The following CSF2RA variants were observed in gnomAD, a reference collection of about 807,000 sequenced individuals.
The protein encoded by CSF2RA is colony stimulating factor 2 receptor subunit alpha.
In CSF2RA, 42 loss-of-function variants were observed where a neutral mutation model predicts 51.6. That is an observed-to-expected ratio of 0.81 (90% confidence interval 0.64 to 1.05). The LOEUF (loss-of-function observed/expected upper bound fraction) is 1.05, where lower values mean the gene tolerates loss of function less well. CSF2RA is among the 50% of genes least tolerant of loss of function. The pLI, the probability that CSF2RA is intolerant of heterozygous loss-of-function variation, is 0.00. For missense variants in CSF2RA, 530 were observed against 501.1 expected, an observed-to-expected ratio of 1.06 and a Z score of -0.55; for synonymous variants, 222 against 193.0, an observed-to-expected ratio of 1.15 and a Z score of -1.24.
the CSF2RA span, among the ~76,000 whole-genome samples, chrX:1,317,567 TA>T: frequency 8.8e-5 from 10 of 113,928 alleles, no homozygotes; most frequent in African/African-American, 4.6e-4. Context: ...ATTTTTATTT[TA>T]TTTTATTTTT....
intron 12 of CSF2RA, chrX:1,305,910 A>T: frequency 1.1e-6 from 1 of 883,474 alleles, no homozygotes; most frequent in Non-Finnish European, 1.7e-6. Context: ...GTGAAACCCC[A>T]TCTCTGCTAA....
At chrX:1,293,879 C>A (rs370703451) in intron 7 of CSF2RA, 1 of 362,852 alleles carries the variant, frequency 2.8e-6, no homozygotes, top group Non-Finnish European at 5.3e-6. Flanking sequence ...CCCTGCCCCA[C>A]CTCCACCTGG....
At position 1,300,648 on chromosome X, in the gene CSF2RA, G is replaced by A. The variant is rs776849585; in HGVS notation, c.946+22G>A. The A allele has an allele frequency of 1.9e-6, 3 of 1,613,906 alleles. No individual in the cohort carries two copies. In the South Asian group the frequency reaches 3.3e-5, roughly 18 times the overall value. Reference sequence around the variant, plus strand: ...TTTGGTAAGCGTTGGGCGGAGGTAAGGGATGTTTGTGCCGTCTGCGGCCAC... The same window carrying A: ...TTTGGTAAGCGTTGGGCGGAGGTAAAGGATGTTTGTGCCGTCTGCGGCCAC... On this transcript the variant is annotated intron_variant, in intron 10 of 12. Transcript: ENST00000381529.
At chrX:1,311,782 T>G (rs1175367653), downstream of CSF2RA, among the ~76,000 whole-genome samples, 1 of 151,950 alleles carries the variant, frequency 6.6e-6, no homozygotes, top group African/African-American at 2.4e-5. Context: ...GCCTGGGGAA[T>G]CCCTTTGTAG....
rs1175038473 is a variant in CSF2RA at position 1,285,921 on chromosome X, G to A, written c.219+1G>A. The A allele has an allele frequency of 6.2e-7, 1 of 1,613,774 alleles. No homozygotes were observed. On this transcript the variant is annotated splice_donor_variant, in intron 4 of 12. Coordinates refer to ENST00000381529, the MANE Select transcript of CSF2RA (RefSeq NM_172245.4). LOFTEE classifies it high-confidence loss of function. The stretch of plus-strand genomic sequence containing the variant: ...GAAGAACAGAGTCGTGGAACCCAGG[G>A]TGAGACGAATTTCCCATTCTCAACC...
At chrX:1,269,828 C>T (rs1479390269) in intron 1 of CSF2RA, among the ~76,000 whole-genome samples, 1 of 151,846 alleles carries the variant, frequency 6.6e-6, no homozygotes, top group Non-Finnish European at 1.5e-5. Flanking sequence ...TAAAGGGGGG[C>T]CGGGCACGGT....
At chrX:1,323,740 C>T in the CSF2RA span, among the ~76,000 whole-genome samples, 45 of 151,010 alleles carry the variant, frequency 3.0e-4, no homozygotes, top group African/African-American at 7.1e-4. Flanking sequence ...GCAGGCTGGG[C>T]GCAGTGGCTC....
At chrX:1,320,800 T>A in the CSF2RA span, among the ~76,000 whole-genome samples, 1 of 149,330 alleles carries the variant, frequency 6.7e-6, no homozygotes, top group Admixed American at 6.7e-5. Context: ...CATGAGCCAC[T>A]GCACCCAGCC....
chrX:1,318,556 G>T, the CSF2RA span, among the ~76,000 whole-genome samples: 2 of 151,868 alleles, frequency 1.3e-5, no homozygotes. Context: ...CCCCTGAGCC[G>T]CCGATAGCCC....
the CSF2RA span, among the ~76,000 whole-genome samples, chrX:1,324,321 C>T: frequency 2.9e-5 from 4 of 140,188 alleles, no homozygotes; most frequent in Non-Finnish European, 6.0e-5. Context: ...TAGCAAGATC[C>T]TGTCTCTAAG....
At chrX:1,322,439 GTTTTTTTT>G in the CSF2RA span, among the ~76,000 whole-genome samples, 17 of 120,694 alleles carry the variant, frequency 1.4e-4, no homozygotes, top group Admixed American at 4.6e-4. Context: ...GTGTGTGTTT[GTTTTTTTT>G]TTTTTTTTTT....
intron 3 of CSF2RA, among the ~76,000 whole-genome samples, chrX:1,285,071 AAT>A (rs1491269831): frequency 4.6e-5 from 7 of 151,650 alleles, no homozygotes; most frequent in Non-Finnish European, 8.8e-5. Context: ...TTTAAAAAAA[AAT>A]TTTTTTTAAA....
rs1457801848 is a variant in CSF2RA, at chrX:1,281,826, T to C, written c.-26-852T>C. 2.7e-5 allele frequency: 4 copies of C among 148,672 alleles called. No homozygotes were observed. In the South Asian group the frequency reaches 8.3e-4, roughly 31 times the overall value. The allele number at this position is 148,672 out of a possible 1,614,324, so 9.2% of individuals were successfully genotyped here. A position where few individuals can be genotyped will look rare whatever the true frequency, so the allele number is the denominator to read the frequency against. On this transcript the variant is annotated intron_variant, in intron 2 of 12. Coordinates refer to ENST00000381529, the MANE Select transcript of CSF2RA (RefSeq NM_172245.4). ...TGTCGTTTTATGTACTCACCCTTTT[T>C]TTCTTCCTCTTCTTTTTTTTTTTTT...
intron 2 of CSF2RA, among the ~76,000 whole-genome samples, chrX:1,279,533 A>G (rs1461883807): frequency 3.3e-5 from 5 of 151,718 alleles, no homozygotes; most frequent in African/African-American, 9.7e-5. Flanking sequence ...CAGAACATGC[A>G]TCTCTAGGGT....
Position 1,294,132 on chromosome X carries a change from C to G in CSF2RA, c.647-196C>G. 9.6e-6 allele frequency: 7 copies of G among 725,564 alleles called. No individual in the cohort carries two copies. The South Asian group carries it at 1.1e-4, about 11-fold the overall frequency. The allele number at this position is 725,564 out of a possible 1,614,324, so 44.9% of individuals were successfully genotyped here. A position where few individuals can be genotyped will look rare whatever the true frequency, so the allele number is the denominator to read the frequency against. On this transcript the variant is annotated intron_variant, in intron 7 of 12. Transcript: ENST00000381529. ...CAGTGTAGACAGGAGGAGACCCTGCCCCATCTCCACCTGGACCCAGTGTAG... is the reference window on the plus strand; with the variant it reads ...CAGTGTAGACAGGAGGAGACCCTGCGCCATCTCCACCTGGACCCAGTGTAG...
the CSF2RA span, among the ~76,000 whole-genome samples, chrX:1,317,789 G>C: frequency 7.3e-5 from 11 of 151,652 alleles, no homozygotes; most frequent in African/African-American, 2.7e-4. Flanking sequence ...TTCTCTCCTG[G>C]AGTGGGAAAA....
In CSF2RA at chrX:1,298,890, A is replaced by T. The variant is rs188617190; in HGVS notation, c.811-1601A>T. 3.1e-3 allele frequency among the ~76,000 whole-genome samples: 471 copies of T among 152,158 alleles called. 1 individual carries two copies. Among genetic ancestry groups the T allele is most frequent in the Non-Finnish European group, 5.3e-3 (359 of 67,998 alleles). On this transcript the variant is annotated intron_variant, in intron 9 of 12. Transcript: ENST00000381529. ...GAGAGCCTGCCCCACGTCTACCTGG[A>T]TCCAGTGTAGACAGGAGAATACTCT... is the stretch of plus-strand genomic sequence containing the variant.
the CSF2RA span, among the ~76,000 whole-genome samples, chrX:1,316,269 GATA>G: frequency 7.3e-6 from 1 of 136,070 alleles, no homozygotes; most frequent in Non-Finnish European, 1.5e-5. Flanking sequence ...ATGATAGATA[GATA>G]GATAGATAGA....
At chrX:1,321,711 G>GT in the CSF2RA span, among the ~76,000 whole-genome samples, 1 of 152,172 alleles carries the variant, frequency 6.6e-6, no homozygotes, top group African/African-American at 2.4e-5. Context: ...AGACCATTGT[G>GT]TATTGTAGGC....
Sources: allele counts gnomAD v4.1 joint callset (sites outside exome capture counted in the v4.1 genomes callset), GRCh38; gene constraint gnomAD v4.1.1; transcripts MANE v1.5; gene names NCBI Gene and HGNC (gene_info 2026-07-23, HGNC 2026-07-21).